Variants in MSH5 observed in about 807,000 individuals in gnomAD.
The protein encoded by MSH5 is mutS homolog 5.
In MSH5, 78 loss-of-function variants were observed where a neutral mutation model predicts 107.7. The ratio of observed to expected loss-of-function variants is 0.72; its 90% CI spans 0.60 to 0.87. The LOEUF is 0.87. Among genes scored for constraint, MSH5 ranks in the 40% least tolerant of loss-of-function variants. The probability of loss-of-function intolerance (pLI) is 0.00; values close to 1 mark genes in which losing one functional copy is unlikely to be tolerated. For missense variants in MSH5, 889 were observed against 1,046.6 expected (o/e 0.85, Z 2.08); for synonymous variants, 326 against 399.5 (o/e 0.82, Z 2.19).
chr6:31,750,363 T>C (rs1469787469), intron 10 of MSH5, among the ~76,000 whole-genome samples: 1 of 151,426 alleles, frequency 6.6e-6, no homozygotes, highest in Non-Finnish European at 1.5e-5. Flanking sequence ...AGGCCAGGAG[T>C]TCAAGAACTA....
At chr6:31,741,986 C>A (rs759861105) in intron 3 of MSH5, among the ~76,000 whole-genome samples, 8 of 152,038 alleles carry the variant, frequency 5.3e-5, no homozygotes, top group Non-Finnish European at 1.0e-4. Context: ...GAGAACCTCT[C>A]ACTCATACCC....
At chr6:31,741,099 A>G (rs2151330782) in intron 2 of MSH5, 64 bp from the exon 3 acceptor site, 1 of 1,571,620 alleles carries the variant, frequency 6.4e-7, no homozygotes, top group Non-Finnish European at 8.6e-7. Context: ...ATTATATAAG[A>G]CATGGTAAAC....
In MSH5 at chr6:31,761,242, T is replaced by C. The variant is rs935670710; in HGVS notation, c.2017T>C (p.Phe673Leu). The C allele has an allele frequency of 6.2e-7, 1 of 1,613,678 alleles. No individual in the cohort carries two copies. The highest frequency in any genetic ancestry group is 8.5e-7 in the Non-Finnish European group (1 of 1,180,010). ...TAQSLVLIDE[F>L]GKGTNTVDGL... The stretch of plus-strand genomic sequence containing the variant: ...ACAGTCGCTGGTCCTTATTGATGAA[T>C]TTGGAAAGGGAACCAACACGGTGAG... Residue 673 changes from phenylalanine to leucine, a missense_variant, in exon 21 of 25, where the codon TTT becomes CTT. This residue lies in a region of MSH5 where 362 missense variants were observed against 456.2 expected (regional missense o/e 0.79). Transcript: ENST00000375750. The surrounding 1 kb of genome is among the most constrained non-coding windows in gnomAD (Gnocchi z 5.3).
chr6:31,755,123 A>G (rs1018692784), intron 12 of MSH5, among the ~76,000 whole-genome samples: 1 of 152,020 alleles, frequency 6.6e-6, no homozygotes, highest in Non-Finnish European at 1.5e-5. Context: ...CTTACTTTAA[A>G]AATTGTATTA....
At position 31,753,399 on chromosome 6, in the gene MSH5, A is replaced by G. The variant is rs1406257671; in HGVS notation, c.911A>G (p.Gln304Arg). ...CTGCCCCAGAATCTGGACATGGCTC[A>G]GATGCTGCATCGGCTCCTGGGTCAC... ...FLLPQNLDMA[Q>R]MLHRLLGHIK... Residue 304 changes from glutamine (Q) to arginine (R), a missense_variant, in exon 11 of 25, where the codon CAG becomes CGG. Around this residue, in one of 3 missense-constraint regions of MSH5, gnomAD observed 518 missense variants for 565.0 expected, o/e 0.92. Coordinates refer to ENST00000375750, the MANE Select transcript of MSH5 (RefSeq NM_172166.4). 4 of 1,614,064 alleles carry G rather than the reference A, an allele frequency of 2.5e-6. No homozygotes were observed. The highest frequency in any genetic ancestry group is 2.5e-6 in the Non-Finnish European group (3 of 1,180,034).
chr6:31,742,335 G>A (rs181619578), intron 3 of MSH5, among the ~76,000 whole-genome samples: 2 of 152,274 alleles, frequency 1.3e-5, no homozygotes, highest in East Asian at 3.9e-4. Flanking sequence ...TTGGCTCACT[G>A]CAACCTCCGT....
In MSH5 at chr6:31,740,275, G is replaced by C; in HGVS notation, c.-13-179G>C. ...GGGCGCGTGGAGTTTCCCACAATCT[G>C]TACTTTAGTTAAATACCCGAGAATT... On this transcript the variant is annotated intron_variant, in intron 1 of 24. Transcript: ENST00000375750. The surrounding 1 kb of genome is among the most constrained non-coding windows in gnomAD (Gnocchi z 4.4). 1 of 591,562 alleles carries C rather than the reference G, an allele frequency of 1.7e-6. No homozygotes were observed. The highest frequency in any genetic ancestry group is 2.9e-6 in the Non-Finnish European group (1 of 344,954). The allele number at this position is 591,562 out of a possible 1,614,324, so 36.6% of individuals were successfully genotyped here.
At position 31,760,118 on chromosome 6, in the gene MSH5, A is replaced by G; in HGVS notation, c.1714A>G (p.Thr572Ala). ...RHPLMELCAR[T>A]FVPNSTECGG... Reference sequence around the variant, plus strand: ...TCCTCTGATGGAACTCTGTGCCCGAACCTTTGTGCCCAACTCCACAGAATG... The same window carrying G: ...TCCTCTGATGGAACTCTGTGCCCGAGCCTTTGTGCCCAACTCCACAGAATG... The change falls in exon 19 of 25, where the codon ACC (threonine) becomes GCC (alanine). Residue 572 changes from threonine to alanine, a missense_variant. By Grantham distance (58) the Thr-to-Ala change is moderately conservative. Around this residue, in one of 3 missense-constraint regions of MSH5, gnomAD observed 362 missense variants for 456.2 expected, o/e 0.79. Transcript: ENST00000375750. This position sits in a 1 kb window ranked among gnomAD's most constrained non-coding sequence, Gnocchi z 5.6. The G allele has an allele frequency of 1.9e-6, 3 of 1,606,818 alleles. No individual in the cohort carries two copies. The highest frequency in any genetic ancestry group is 1.3e-5 in the African/African-American group (1 of 74,860).
At chr6:31,743,543 A>G in intron 5 of MSH5, 2 of 431,080 alleles carry the variant, frequency 4.6e-6, no homozygotes, top group South Asian at 7.4e-5. Flanking sequence ...TAACTTTCCT[A>G]GGTTTACAAT....
intron 10 of MSH5, chr6:31,751,640 A>G (rs1809970155): frequency 6.6e-6 from 1 of 151,564 alleles, no homozygotes; most frequent in South Asian, 2.1e-4. Context: ...TGTCTCAGAA[A>G]AAAAAAAAAA....
intron 10 of MSH5, among the ~76,000 whole-genome samples, chr6:31,747,972 C>T (rs1405001566): frequency 2.0e-5 from 3 of 148,804 alleles, no homozygotes; most frequent in African/African-American, 7.5e-5. Context: ...CACTGCACTT[C>T]AGCCTGGGCA....
At chr6:31,746,450 T>G (rs1054637831) in intron 9 of MSH5, 2 of 151,586 alleles carry the variant, frequency 1.3e-5, no homozygotes, top group Non-Finnish European at 2.9e-5. Context: ...TTTGTTTGTT[T>G]GTTTTTTAGA....
chr6:31,746,362 G>C (rs911075138), intron 9 of MSH5: 1 of 152,076 alleles, frequency 6.6e-6, no homozygotes, highest in Non-Finnish European at 1.5e-5. Flanking sequence ...CTCCCAAGGT[G>C]CTGGGATTAC....
At chr6:31,746,259 G>C (rs1809456056) in intron 9 of MSH5, 1 of 151,960 alleles carries the variant, frequency 6.6e-6, no homozygotes, top group Admixed American at 6.6e-5. Flanking sequence ...ACCACGCCCA[G>C]CTAATTTTTG....
intron 10 of MSH5, among the ~76,000 whole-genome samples, chr6:31,749,079 C>A (rs1247673053): frequency 6.6e-6 from 1 of 152,000 alleles, no homozygotes; most frequent in African/African-American, 2.4e-5. Context: ...CCATGCCTGG[C>A]TAATTTTTGT....
intron 10 of MSH5, chr6:31,751,588 A>T (rs1017850056): frequency 2.0e-5 from 3 of 151,996 alleles, no homozygotes; most frequent in Non-Finnish European, 4.4e-5. Context: ...GTGAGCTGAG[A>T]TCGCACCACT....
intron 12 of MSH5, among the ~76,000 whole-genome samples, chr6:31,754,915 GT>G (rs1188787363): frequency 1.2e-4 from 17 of 147,330 alleles, no homozygotes; most frequent in East Asian, 4.0e-4. Context: ...CCATGCCCAA[GT>G]TTTTTTTTTG....
chr6:31,744,677 T>C, intron 8 of MSH5, 96 bp downstream of exon 8: 1 of 1,357,672 alleles, frequency 7.4e-7, no homozygotes, highest in Non-Finnish European at 1.1e-6. Flanking sequence ...TCCCTAATCC[T>C]GGGGCTATTA....
In MSH5 at chr6:31,747,373, C is replaced by T. The variant is rs1426542900; in HGVS notation, c.767-14C>T. The T allele has an allele frequency of 6.2e-7, 1 of 1,612,878 alleles. No individual in the cohort carries two copies. The highest frequency in any genetic ancestry group is 1.3e-5 in the African/African-American group (1 of 74,930). On this transcript the variant is annotated splice_polypyrimidine_tract_variant and intron_variant, in intron 9 of 24. Transcript: ENST00000375750. ...GCCTTGTAACAAGTTCACTCCCTGC[C>T]TTATCCCTCACAGGAATCCTCAACA... is the stretch of plus-strand genomic sequence containing the variant.
Sources: gnomAD v4.1 joint callset for allele counts (sites outside exome capture counted in the v4.1 genomes callset) on GRCh38, gnomAD v4.1.1 for gene constraint, gnomAD v4.1.1 regional missense constraint, Gnocchi (gnomAD v3.1) non-coding constraint, MANE v1.5 for transcripts, NCBI Gene and HGNC (gene_info 2026-07-23, HGNC 2026-07-21) for gene names.